Variants in TECPR2 observed in about 807,000 individuals in gnomAD.
The protein encoded by TECPR2 is tectonin beta-propeller repeat-containing protein 2.
In TECPR2, 65 loss-of-function variants were observed where a neutral mutation model predicts 138.1. The observed-to-expected ratio is 0.47, with a 90% CI of 0.39 to 0.58. The LOEUF (loss-of-function observed/expected upper bound fraction) is 0.58, where lower values mean the gene tolerates loss of function less well. Ranked by LOEUF, TECPR2 falls within the 20% of genes least tolerant of loss-of-function variation. The pLI, the probability that TECPR2 is intolerant of heterozygous loss-of-function variation, is 0.00. For missense variants in TECPR2, 1,553 were observed against 1,824.5 expected (o/e 0.85, Z 2.71); for synonymous variants, 746 against 749.8 (o/e 0.99, Z 0.08).
At chr14:102,411,698 TC>T (rs1888870918) in intron 4 of TECPR2, among the ~76,000 whole-genome samples, 2 of 9,670 alleles carry the variant, frequency 2.1e-4, no homozygotes, top group South Asian at 5.0e-3. Context: ...GCCATGTTGC[TC>T]AAAAAAAAAA....
chr14:102,438,162 G>T lies in TECPR2; in HGVS notation c.2535G>T (p.Gln845His). ...TGCCGGGCGCCGGGCTGCGCTGGCA[G>T]AAGTTTGAAGATGCTGTCCAGCAGG... is the stretch of plus-strand genomic sequence containing the variant. ...SALPGAGLRW[Q>H]KFEDAVQQVA... is the part of the protein sequence containing the mutation. Residue 845 changes from glutamine to histidine, a missense_variant, in exon 10 of 20, where the codon CAG becomes CAT. Physicochemically the swap from Gln to His is conservative, Grantham distance 24 (BLOSUM62 0). Transcript: ENST00000359520. 6.2e-7 allele frequency: 1 copy of T among 1,612,874 alleles called. No individual in the cohort carries two copies. The highest frequency in any genetic ancestry group is 8.5e-7 in the Non-Finnish European group (1 of 1,179,988).
chr14:102,478,215 T>A (rs1167832993), intron 17 of TECPR2, among the ~76,000 whole-genome samples: 2 of 151,832 alleles, frequency 1.3e-5, no homozygotes, highest in Non-Finnish European at 2.9e-5. Flanking sequence ...ACCTAGCTAA[T>A]TTTTAAAAAA....
At chr14:102,488,901 G>A (rs1455579169) in intron 17 of TECPR2, among the ~76,000 whole-genome samples, 1 of 149,820 alleles carries the variant, frequency 6.7e-6, no homozygotes, top group Non-Finnish European at 1.5e-5. Context: ...TCTTTTTTGA[G>A]ATGGAGTTTT....
intron 7 of TECPR2, among the ~76,000 whole-genome samples, chr14:102,430,484 T>C (rs1002365841): frequency 1.3e-5 from 2 of 152,130 alleles, no homozygotes; most frequent in East Asian, 3.8e-4. Context: ...AGAATGTGGG[T>C]GCTTCAAGGG....
In TECPR2 at chr14:102,452,436, G is replaced by A. The variant is rs747893184; in HGVS notation, c.3449G>A (p.Ser1150Asn). 8 of 1,613,334 alleles carry A rather than the reference G, an allele frequency of 5.0e-6. No individual in the cohort carries two copies. The highest frequency in any genetic ancestry group is 2.2e-5 in the South Asian group (2 of 91,056). The change falls in exon 16 of 20, where the codon AGC becomes AAC. Residue 1150 changes from serine (S) to asparagine (N), a missense_variant. Coordinates refer to ENST00000359520, the MANE Select transcript of TECPR2 (RefSeq NM_014844.5). ...WLCQSSKDLC[S>N]VSAQSAQSRP... ...TGCCAGAGCAGCAAGGACCTGTGCA[G>A]CGTCAGCGCCCAGAGCGCACAGTCG...
At chr14:102,408,134 A>G (rs116745862) in intron 3 of TECPR2, among the ~76,000 whole-genome samples, 1,572 of 152,102 alleles carry the variant, frequency 0.01, 30 homozygotes, top group African/African-American at 0.036. Context: ...GTACCACGCT[A>G]CTGCACTCCA....
intron 2 of TECPR2, among the ~76,000 whole-genome samples, chr14:102,394,922 A>G (rs1259466710): frequency 1.3e-5 from 2 of 152,070 alleles, no homozygotes; most frequent in Non-Finnish European, 2.9e-5. Flanking sequence ...AAACACTCCC[A>G]GCGGCTTCCT....
rs750718382 is a variant in TECPR2 at position 102,496,995 on chromosome 14, T to C, written c.3806T>C (p.Leu1269Ser). The change falls in exon 18 of 20, where the codon TTG (leucine) becomes TCG (serine). Residue 1269 changes from leucine to serine, a missense_variant. Transcript: ENST00000359520. The part of the protein sequence containing the change: ...EPPVQPAGVS[L>S]VSVHSSPNDQ... ...CGCTTCCAGCCCGCCGGGGTCAGCT[T>C]GGTCAGCGTCCATTCCAGCCCCAAC... 3.7e-6 allele frequency: 6 copies of C among 1,613,750 alleles called. No homozygotes were observed. Among genetic ancestry groups the C allele is most frequent in the Non-Finnish European group, 5.1e-6 (6 of 1,179,924 alleles).
intron 17 of TECPR2, among the ~76,000 whole-genome samples, chr14:102,492,754 C>T (rs528363256): frequency 6.6e-5 from 10 of 152,286 alleles, no homozygotes; most frequent in African/African-American, 9.6e-5. Context: ...GTGAGCAACG[C>T]GTGAGGGGGC....
intron 2 of TECPR2, among the ~76,000 whole-genome samples, chr14:102,401,439 CAAA>C (rs35011003): frequency 3.5e-5 from 2 of 57,074 alleles, no homozygotes; most frequent in African/African-American, 5.8e-5. Flanking sequence ...AACTCCATCT[CAAA>C]AAAAAAAAAA....
chr14:102,377,082 A>G lies in TECPR2; in HGVS notation c.219+142A>G, dbSNP rs1597766176. Reference sequence around the variant, plus strand: ...CTCACCCAAACAATACTTTAAAACCATCTTTAGCTGAAGTGGAATATAACT... The same window carrying G: ...CTCACCCAAACAATACTTTAAAACCGTCTTTAGCTGAAGTGGAATATAACT... On this transcript the variant is annotated intron_variant, in intron 2 of 19. Coordinates refer to ENST00000359520, the MANE Select transcript of TECPR2 (RefSeq NM_014844.5). 9 of 863,876 alleles carry G rather than the reference A, an allele frequency of 1.0e-5. No individual in the cohort carries two copies. In the East Asian group the frequency reaches 1.6e-4, roughly 15 times the overall value. The allele number at this position is 863,876 out of a possible 1,614,324, so 53.5% of individuals were successfully genotyped here.
At position 102,419,153 on chromosome 14, in the gene TECPR2, G is replaced by C. The variant is rs921882314; in HGVS notation, c.638+4360G>C. Reference sequence around the variant, plus strand: ...GAAAGGGCATCAGGAGAGAACAGGAGTTGGGGGGTCAGAGGAGTCGGAGGC... The same window carrying C: ...GAAAGGGCATCAGGAGAGAACAGGACTTGGGGGGTCAGAGGAGTCGGAGGC... On this transcript the variant is annotated intron_variant, in intron 5 of 19. Coordinates refer to ENST00000359520, the MANE Select transcript of TECPR2 (RefSeq NM_014844.5). This position sits in a 1 kb window ranked among gnomAD's most constrained non-coding sequence, Gnocchi z 4.8. 2.6e-5 allele frequency among the ~76,000 whole-genome samples: 4 copies of C among 152,254 alleles called. No individual in the cohort carries two copies. The highest frequency in any genetic ancestry group is 9.6e-5 in the African/African-American group (4 of 41,532).
At chr14:102,399,836 AGAAAT>A (rs1329898655) in intron 2 of TECPR2, among the ~76,000 whole-genome samples, 7 of 152,092 alleles carry the variant, frequency 4.6e-5, no homozygotes, top group African/African-American at 1.4e-4. Context: ...TCTCAAAAAA[AGAAAT>A]GAAGAAAAAA....
intron 17 of TECPR2, among the ~76,000 whole-genome samples, chr14:102,470,535 T>C (rs949475458): frequency 6.6e-6 from 1 of 152,020 alleles, no homozygotes; most frequent in African/African-American, 2.4e-5. Flanking sequence ...CTTGAACTCC[T>C]GACCTCAAAT....
chr14:102,407,358 T>C lies in TECPR2; in HGVS notation c.240T>C (p.Thr80=). The change falls in exon 3 of 20, where the codon ACT becomes ACC. Residue 80 remains threonine (T), a synonymous_variant. Transcript: ENST00000359520. ...CCCAGGGGAAGACGGAATCTATCAC[T>C]GTGGTGAAGCTGCTGAGCTGCTTTG... ...YNFEGKTESI[T]VVKLLSCFDD... is the part of the protein sequence containing the mutation. 6.2e-7 allele frequency: 1 copy of C among 1,610,876 alleles called. No individual in the cohort carries two copies. Among genetic ancestry groups the C allele is most frequent in the South Asian group, 1.1e-5 (1 of 90,402 alleles).
chr14:102,404,951 G>A (rs1191650667), intron 2 of TECPR2, among the ~76,000 whole-genome samples: 1 of 152,036 alleles, frequency 6.6e-6, no homozygotes, highest in East Asian at 1.9e-4. Flanking sequence ...TGGTATAGGG[G>A]AAACTGGATA....
At position 102,434,432 on chromosome 14, in the gene TECPR2, C is replaced by T; in HGVS notation, c.1615C>T (p.Gln539Ter). The T allele has an allele frequency of 1.3e-6, 2 of 1,531,374 alleles. No individual in the cohort carries two copies. The highest frequency in any genetic ancestry group is 1.3e-5 in the South Asian group (1 of 77,052). The allele number at this position is 1,531,374 out of a possible 1,614,324, so 94.9% of individuals were successfully genotyped here. The change falls in exon 9 of 20, where the codon CAG becomes TAG. Residue 539 changes from glutamine (Q) to a stop codon, truncating the protein, a stop_gained. Coordinates refer to ENST00000359520, the MANE Select transcript of TECPR2 (RefSeq NM_014844.5). LOFTEE classifies it high-confidence loss of function. ...CAATGGTGAAGTGAACGGTGTCCCACAGGAAAATACTGACCCCGAAACGTT... is the reference window on the plus strand; with the variant it reads ...CAATGGTGAAGTGAACGGTGTCCCATAGGAAAATACTGACCCCGAAACGTT... Reference protein sequence around the residue: ...SFNGEVNGVPQENTDPETFNV... With the variant: ...SFNGEVNGVP
At chr14:102,486,873 G>A (rs1316235251) in intron 17 of TECPR2, among the ~76,000 whole-genome samples, 1 of 152,170 alleles carries the variant, frequency 6.6e-6, no homozygotes, top group Non-Finnish European at 1.5e-5. Flanking sequence ...CTGAAATTGG[G>A]AAGAATAGAC....
At chr14:102,445,781 C>G in intron 12 of TECPR2, 25 bp from the exon 13 acceptor site, 2 of 1,611,506 alleles carry the variant, frequency 1.2e-6, no homozygotes, top group Non-Finnish European at 1.7e-6. Flanking sequence ...GGTGCTGACC[C>G]CCCTGTTCTC....
Sources: gnomAD v4.1 joint callset for allele counts (sites outside exome capture counted in the v4.1 genomes callset) on GRCh38, gnomAD v4.1.1 for gene constraint, Gnocchi (gnomAD v3.1) non-coding constraint, MANE v1.5 for transcripts, NCBI Gene and HGNC (gene_info 2026-07-23, HGNC 2026-07-21) for gene names.